Variants in CDKL2 observed in about 807,000 individuals in gnomAD.
CDKL2 encodes cyclin dependent kinase like 2, also known as cyclin-dependent kinase-like 2.
In CDKL2, 64 loss-of-function variants were observed where a neutral mutation model predicts 63.9. That is an observed-to-expected ratio of 1.00 (90% CI 0.82 to 1.23). The LOEUF is 1.23. Ranked by LOEUF, CDKL2 falls within the 50% of genes most tolerant of loss-of-function variation. The pLI, the probability that CDKL2 is intolerant of heterozygous loss-of-function variation, is 0.00. For synonymous variants in CDKL2, 211 were observed against 229.2 expected (o/e 0.92, Z 0.72); for missense variants, 656 against 668.0 (o/e 0.98, Z 0.20).
chr4:75,595,252 G>A (rs1281191568), intron 10 of CDKL2, among the ~76,000 whole-genome samples: 5 of 147,288 alleles, frequency 3.4e-5, no homozygotes, highest in African/African-American at 1.2e-4. Context: ...CCCAGGCTGA[G>A]GTGCTGGGGC....
At chr4:75,614,191 A>C in intron 3 of CDKL2, 64 bp downstream of exon 3, 1 of 1,058,856 alleles carries the variant, frequency 9.4e-7, no homozygotes, top group African/African-American at 1.6e-5. Context: ...TAAATCAATA[A>C]GACAGATTAA....
intron 1 of CDKL2, among the ~76,000 whole-genome samples, chr4:75,629,246 T>C (rs917535428): frequency 3.9e-5 from 6 of 152,222 alleles, no homozygotes; most frequent in Non-Finnish European, 8.8e-5. Flanking sequence ...GTAATTGATG[T>C]CCTCAATATT....
In CDKL2 at chr4:75,577,804, T is replaced by C. The variant is rs544793740; in HGVS notation, c.*1398A>G. Among the ~76,000 whole-genome samples the C allele has an allele frequency of 6.6e-6, 1 of 152,292 alleles. No homozygotes were observed. The highest frequency in any genetic ancestry group is 2.4e-5 in the African/African-American group (1 of 41,558). On this transcript the variant is annotated 3_prime_UTR_variant, in exon 14 of 14. Transcript: ENST00000307465. ...CCAATTTTAATTTAACCACCACCTA[T>C]AGACTTGTACATTGAAACCCCTTAT...
intron 10 of CDKL2, among the ~76,000 whole-genome samples, chr4:75,594,772 C>T (rs1221314556): frequency 6.6e-6 from 1 of 152,004 alleles, no homozygotes; most frequent in East Asian, 1.9e-4. Context: ...GTGCAAAAGC[C>T]CAAAGGTGGG....
At chr4:75,583,591 A>G (rs1419069850) in intron 12 of CDKL2, among the ~76,000 whole-genome samples, 1 of 152,204 alleles carries the variant, frequency 6.6e-6, no homozygotes, top group African/African-American at 2.4e-5. Context: ...AAAGGCTCCA[A>G]CAATATGAAA....
At chr4:75,629,746 C>A (rs1730589728) in intron 1 of CDKL2, among the ~76,000 whole-genome samples, 1 of 151,966 alleles carries the variant, frequency 6.6e-6, no homozygotes, top group Non-Finnish European at 1.5e-5. Flanking sequence ...TCGAGACCAG[C>A]CTAACCAACA....
At chr4:75,582,049 G>A (rs1371019443) in intron 12 of CDKL2, 151 bp from the exon 13 acceptor site, 2 of 610,860 alleles carry the variant, frequency 3.3e-6, no homozygotes, top group East Asian at 5.6e-5. Flanking sequence ...GAAGTAAGGG[G>A]ACATTGTTCT....
Position 75,597,122 on chromosome 4 carries a change from G to T in CDKL2, c.1135C>A (p.His379Asn). Reference sequence around the variant, plus strand: ...TTGTTGTGGCTTGTCCTACTGTCATGGAGACAGCTGGCATTTGAAGCTCTA... The same window carrying T: ...TTGTTGTGGCTTGTCCTACTGTCATTGAGACAGCTGGCATTTGAAGCTCTA... ...GNRASNASCL[H>N]DSRTSHNKIV... is the part of the protein sequence containing the mutation. Residue 379 changes from histidine (H) to asparagine (N), a missense_variant, in exon 9 of 14, where the codon CAT becomes AAT. Physicochemically the swap from His to Asn is moderately conservative, Grantham distance 68. Coordinates refer to ENST00000307465, the MANE Select transcript of CDKL2 (RefSeq NM_001330724.2). 6.2e-7 allele frequency: 1 copy of T among 1,614,046 alleles called. No individual in the cohort carries two copies.
intron 2 of CDKL2, among the ~76,000 whole-genome samples, chr4:75,617,347 A>G (rs1324774835): frequency 1.3e-5 from 2 of 152,220 alleles, no homozygotes; most frequent in East Asian, 3.8e-4. Flanking sequence ...AATGCTTACT[A>G]TGTTCCAGGT....
chr4:75,602,984 T>C (rs968728817), intron 6 of CDKL2, among the ~76,000 whole-genome samples: 3 of 139,390 alleles, frequency 2.2e-5, no homozygotes, highest in African/African-American at 5.5e-5. Context: ...CAATAAATGG[T>C]TTCTTTTTTT....
At chr4:75,614,497 G>T in intron 2 of CDKL2, 48 bp from the exon 3 acceptor site, 1 of 1,186,312 alleles carries the variant, frequency 8.4e-7, no homozygotes, top group Non-Finnish European at 1.2e-6. Flanking sequence ...ATGCAAAATA[G>T]TTTATATAAA....
At chr4:75,585,642 C>G (rs1386698907) in intron 12 of CDKL2, among the ~76,000 whole-genome samples, 3 of 151,828 alleles carry the variant, frequency 2.0e-5, no homozygotes, top group African/African-American at 7.3e-5. Context: ...AGATACAGGC[C>G]AGGTATGGTG....
chr4:75,576,872 G>A lies in CDKL2; in HGVS notation c.*2330C>T, dbSNP rs1470195136. On this transcript the variant is annotated 3_prime_UTR_variant, in exon 14 of 14. Coordinates refer to ENST00000307465, the MANE Select transcript of CDKL2 (RefSeq NM_001330724.2). ...ATTCTAAGCAAGCAAGGGATTCTCA[G>A]TCAGGAAAACCAGGTTCTGTCACAA... Among the ~76,000 whole-genome samples, 1 of 152,152 alleles carries A rather than the reference G, an allele frequency of 6.6e-6. No individual in the cohort carries two copies. The highest frequency in any genetic ancestry group is 1.9e-4 in the East Asian group (1 of 5,198).
chr4:75,583,430 A>G (rs1728342115), intron 12 of CDKL2, among the ~76,000 whole-genome samples: 1 of 152,224 alleles, frequency 6.6e-6, no homozygotes, highest in Non-Finnish European at 1.5e-5. Flanking sequence ...TTTGCATTCC[A>G]AAATCACTTT....
chr4:75,580,700 T>C (rs1220266720), intron 13 of CDKL2, among the ~76,000 whole-genome samples: 2 of 148,480 alleles, frequency 1.3e-5, no homozygotes, highest in East Asian at 2.0e-4. Flanking sequence ...TTGGCTTTTT[T>C]TTTTTTTTCT....
rs62320975 is a variant in CDKL2, at chr4:75,578,742, A to C, written c.*460T>G. 0.4 allele frequency: 61,274 copies of C among 152,380 alleles called. 13,082 individuals are homozygous for C. Among genetic ancestry groups the C allele is most frequent in the African/African-American group, 0.51 (21,209 of 41,428 alleles). 9.4% of individuals were successfully genotyped at this position (152,380 alleles called of 1,614,324 possible). A position where few individuals can be genotyped will look rare whatever the true frequency, so the allele number is the denominator to read the frequency against. ...TCCTAATTTTTATCACCTACCCCCAAGAAACCCACTCCTAAATAAATGTAC... is the reference window on the plus strand; with the variant it reads ...TCCTAATTTTTATCACCTACCCCCACGAAACCCACTCCTAAATAAATGTAC... On this transcript the variant is annotated 3_prime_UTR_variant, in exon 14 of 14. Coordinates refer to ENST00000307465, the MANE Select transcript of CDKL2 (RefSeq NM_001330724.2).
chr4:75,580,693 GCTTTTTTTTTTTTTT>G (rs975614762), intron 13 of CDKL2, among the ~76,000 whole-genome samples: 1 of 131,340 alleles, frequency 7.6e-6, no homozygotes, highest in Non-Finnish European at 1.7e-5. Context: ...TTTTGTTTTG[GCTTTTTTTTTTTTTT>G]CTTTTTTTTT....
intron 2 of CDKL2, among the ~76,000 whole-genome samples, chr4:75,615,676 A>ATAG (rs1406982299): frequency 1.3e-5 from 2 of 152,260 alleles, no homozygotes; most frequent in Non-Finnish European, 2.9e-5. Context: ...CACAAATGAT[A>ATAG]TAGAAGATGT....
At position 75,583,411 on chromosome 4, in the gene CDKL2, A is replaced by T. The variant is rs111960400; in HGVS notation, c.1648-1513T>A. On this transcript the variant is annotated intron_variant, in intron 12 of 13. Coordinates refer to ENST00000307465, the MANE Select transcript of CDKL2 (RefSeq NM_001330724.2). ...ACAAACTTCTAGGTAATTCAACCCA[A>T]AGAAATCCTTTGCATTCCAAAATCA... Among the ~76,000 whole-genome samples the T allele has an allele frequency of 3.5e-3, 526 of 152,342 alleles. 4 individuals carry two copies. Among genetic ancestry groups the T allele is most frequent in the African/African-American group, 0.011 (468 of 41,574 alleles).
Sources: gnomAD v4.1 joint callset for allele counts (sites outside exome capture counted in the v4.1 genomes callset) on GRCh38, gnomAD v4.1.1 for gene constraint, MANE v1.5 for transcripts, NCBI Gene and HGNC (gene_info 2026-07-23, HGNC 2026-07-21) for gene names.